Variants in CBLIF observed in about 807,000 individuals in gnomAD.
CBLIF encodes gastric intrinsic factor (vitamin B synthesis).
A neutral mutation model predicts 44.9 loss-of-function variants in CBLIF; 24 were observed. The ratio of observed to expected loss-of-function variants is 0.53; its 90% CI spans 0.39 to 0.75. The LOEUF is 0.75. CBLIF is among the 30% of genes least tolerant of loss of function. The probability of loss-of-function intolerance (pLI) is 0.00; values close to 1 mark genes in which losing one functional copy is unlikely to be tolerated. For missense variants in CBLIF, 481 were observed against 513.0 expected (o/e 0.94, Z 0.60); for synonymous variants, 183 against 190.9 (o/e 0.96, Z 0.34).
intron 5 of CBLIF, among the ~76,000 whole-genome samples, chr11:59,838,848 CTTTTTTTTT>C (rs1217612334): frequency 1.5e-5 from 2 of 130,544 alleles, no homozygotes; most frequent in Non-Finnish European, 3.2e-5. Flanking sequence ...TTCTTTCTTT[CTTTTTTTTT>C]TTTTTTTTTG....
Position 59,829,523 on chromosome 11 carries a change from G to C in CBLIF, c.1215C>G (p.Phe405Leu). Residue 405 changes from phenylalanine (F) to leucine (L), a missense_variant, in exon 9 of 9, where the codon TTC becomes TTG. Phe to Leu is a conservative substitution (Grantham distance 22, BLOSUM62 0). Transcript: ENST00000257248. The part of the protein sequence containing the change: ...LNEGVADYIP[F>L]NHEHITANFT... ...AATTGGCTGTGATGTGCTCGTGGTT[G>C]AAGGGTATGTAGTCAGCAACCCCTG... The C allele has an allele frequency of 6.2e-7, 1 of 1,610,934 alleles. No individual in the cohort carries two copies. The highest frequency in any genetic ancestry group is 2.2e-5 in the East Asian group (1 of 44,858).
intron 8 of CBLIF, among the ~76,000 whole-genome samples, chr11:59,829,862 G>A (rs929115992): frequency 6.6e-6 from 1 of 152,164 alleles, no homozygotes; most frequent in Non-Finnish European, 1.5e-5. Flanking sequence ...TTCAAAATTA[G>A]GAATAATGAC....
At chr11:59,841,990 G>T (rs189423148) in intron 4 of CBLIF, among the ~76,000 whole-genome samples, 1 of 152,158 alleles carries the variant, frequency 6.6e-6, no homozygotes, top group East Asian at 1.9e-4. Flanking sequence ...GAAATATCAC[G>T]AGTTAGGGTT....
intron 7 of CBLIF, among the ~76,000 whole-genome samples, chr11:59,834,589 C>T (rs1008350571): frequency 3.3e-5 from 5 of 151,600 alleles, no homozygotes; most frequent in African/African-American, 9.7e-5. Flanking sequence ...GATGAGGTTT[C>T]GCCATGTTGG....
At chr11:59,841,378 A>G (rs1476685422) in intron 4 of CBLIF, 54 bp from the exon 5 acceptor site, 1 of 1,192,784 alleles carries the variant, frequency 8.4e-7, no homozygotes, top group African/African-American at 1.5e-5. Context: ...AGCAATATGA[A>G]CAGCTAACAT....
chr11:59,842,977 T>C, intron 3 of CBLIF, 51 bp downstream of exon 3: 1 of 1,153,806 alleles, frequency 8.7e-7, no homozygotes, highest in Non-Finnish European at 1.3e-6. Context: ...TTTAAAATTC[T>C]TAGGTAAAAC....
intron 5 of CBLIF, among the ~76,000 whole-genome samples, chr11:59,837,578 T>A (rs1348558497): frequency 6.6e-6 from 1 of 152,190 alleles, no homozygotes; most frequent in African/African-American, 2.4e-5. Context: ...TGTGCAATGA[T>A]CAGATCCAGG....
In CBLIF at chr11:59,845,387, G is replaced by A; in HGVS notation, c.67C>T (p.Gln23Ter). The A allele has an allele frequency of 6.2e-7, 1 of 1,611,720 alleles. No homozygotes were observed. The highest frequency in any genetic ancestry group is 1.3e-5 in the African/African-American group (1 of 74,932). Residue 23 changes from glutamine to a stop codon, truncating the protein, a stop_gained, in exon 1 of 9, where the codon CAG (glutamine) becomes TAG (stop). Transcript: ENST00000257248. LOFTEE classifies it high-confidence loss of function. ...WATAGTSTQT[Q>*]SSCSVPSAQE... The stretch of plus-strand genomic sequence containing the variant: ...ACATCATACTCACAGCATGAACTCT[G>A]GGTCTGGGTACTAGTCCCAGCTGTA...
At chr11:59,838,630 G>T (rs529808743) in intron 5 of CBLIF, among the ~76,000 whole-genome samples, 1 of 152,194 alleles carries the variant, frequency 6.6e-6, no homozygotes. Context: ...ACTTTACAAG[G>T]CAGTTGCTTT....
At position 59,843,067 on chromosome 11, in the gene CBLIF, A is replaced by T. The variant is rs371476220; in HGVS notation, c.331T>A (p.Ser111Thr). Residue 111 changes from serine to threonine, a missense_variant, in exon 3 of 9, where the codon TCC (serine) becomes ACC (threonine). Physicochemically the swap from Ser to Thr is moderately conservative, Grantham distance 58 (BLOSUM62 1). Transcript: ENST00000257248. ...TTCTCCATTTGTCTTTGTAGAATGG[A>T]TACTTTATCCCCAGGGTCTCGGCAG... The part of the protein sequence containing the change: ...SSCRDPGDKV[S>T]ILQRQMENWA... 7.4e-6 allele frequency: 12 copies of T among 1,613,324 alleles called. No individual in the cohort carries two copies. Among genetic ancestry groups the T allele is most frequent in the Middle Eastern group, 1.7e-4 (1 of 6,058 alleles).
chr11:59,830,764 C>T (rs990388787), intron 8 of CBLIF, among the ~76,000 whole-genome samples: 4 of 152,072 alleles, frequency 2.6e-5, no homozygotes, highest in South Asian at 2.1e-4. Flanking sequence ...ATGCAATTTC[C>T]ATTTTAAAGC....
chr11:59,834,014 T>C (rs1003352493), intron 7 of CBLIF, among the ~76,000 whole-genome samples: 1 of 152,246 alleles, frequency 6.6e-6, no homozygotes, highest in Non-Finnish European at 1.5e-5. Context: ...GGAATGTTAC[T>C]AACTTCTTTG....
chr11:59,845,350 C>T lies in CBLIF; in HGVS notation c.79+25G>A. ...TCCCCAGGGCAACTGCTTCCCTGACCTCCTTGGAAAAACATCATACTCACA... is the reference window on the plus strand; with the variant it reads ...TCCCCAGGGCAACTGCTTCCCTGACTTCCTTGGAAAAACATCATACTCACA... On this transcript the variant is annotated intron_variant, in intron 1 of 8. Transcript: ENST00000257248. 2.5e-6 allele frequency: 4 copies of T among 1,609,160 alleles called. No homozygotes were observed. The South Asian group carries it at 4.4e-5, about 18-fold the overall frequency.
intron 8 of CBLIF, 73 bp downstream of exon 8, chr11:59,831,605 T>G: frequency 1.3e-6 from 1 of 767,434 alleles, no homozygotes; most frequent in Non-Finnish European, 2.4e-6. Context: ...ATGAATAAAT[T>G]AAATGAAAAA....
chr11:59,831,442 G>A (rs540323053), intron 8 of CBLIF: 6 of 184,932 alleles, frequency 3.2e-5, no homozygotes, highest in South Asian at 1.6e-4. Context: ...AAGTATTATC[G>A]CTGCCTACAG....
chr11:59,843,948 GATTC>G lies in CBLIF; in HGVS notation c.183_186del (p.Met61IlefsTer8), dbSNP rs765896727. On this transcript the variant is annotated frameshift_variant, in exon 2 of 9. Coordinates refer to ENST00000257248, the MANE Select transcript of CBLIF (RefSeq NM_005142.3). LOFTEE classifies it high-confidence loss of function. ...GCCTTCAAGTTGTAGGCTCCGGCCA[GATTC>G]ATGGCAATCAGGATGCTGGGGTTTG... 4.8e-5 allele frequency: 77 copies of G among 1,613,614 alleles called. No homozygotes were observed. The African/African-American group carries it at 8.4e-4, about 18-fold the overall frequency.
chr11:59,830,350 C>G (rs746375426), intron 8 of CBLIF, among the ~76,000 whole-genome samples: 2 of 151,332 alleles, frequency 1.3e-5, no homozygotes, highest in African/African-American at 2.4e-5. Context: ...CATTCACCTG[C>G]CTCAGCCTCC....
rs1866467667 is a variant in CBLIF at position 59,837,263 on chromosome 11, T to C, written c.782A>G (p.Lys261Arg). ...DMILNEIKQG[K>R]FHNPMSIAQI... ...AGCAATGGACATGGGGTTGTGGAAT[T>C]TCCCCTGCTTAATCTCATTGAGTAT... The change falls in exon 6 of 9, where the codon AAA becomes AGA. Residue 261 changes from lysine (K) to arginine (R), a missense_variant. Transcript: ENST00000257248. The C allele has an allele frequency of 6.2e-7, 1 of 1,613,054 alleles. No homozygotes were observed. The highest frequency in any genetic ancestry group is 1.3e-5 in the African/African-American group (1 of 74,896).
Position 59,843,135 on chromosome 11 carries a change from G to T in CBLIF, c.263C>A (p.Thr88Asn). Residue 88 changes from threonine (T) to asparagine (N), a missense_variant, in exon 3 of 9, where the codon ACC (threonine) becomes AAC (asparagine). Coordinates refer to ENST00000257248, the MANE Select transcript of CBLIF (RefSeq NM_005142.3). Reference protein sequence around the residue: ...QLMSSDNNDLTIGQLGLTIMA... With the variant: ...QLMSSDNNDLNIGQLGLTIMA... ...GATGGTGAGGCCGAGCTGCCCAATG[G>T]TTAGATCTGCAGAGAAGAGAACACA... 6.2e-7 allele frequency: 1 copy of T among 1,601,272 alleles called. No homozygotes were observed. The highest frequency in any genetic ancestry group is 8.6e-7 in the Non-Finnish European group (1 of 1,168,314).
Sources: gnomAD v4.1 joint callset for allele counts (sites outside exome capture counted in the v4.1 genomes callset) on GRCh38, gnomAD v4.1.1 for gene constraint, MANE v1.5 for transcripts, NCBI Gene and HGNC (gene_info 2026-07-23, HGNC 2026-07-21) for gene names.